Variants in POP5 observed in about 807,000 individuals in gnomAD.
The protein encoded by POP5 is ribonuclease P/MRP protein subunit POP5.
POP5 carries 18 observed loss-of-function variants against 20.7 expected under a neutral mutation model. The ratio of observed to expected loss-of-function variants is 0.87; its 90% CI spans 0.60 to 1.29. POP5 has a LOEUF of 1.29. Ranked by LOEUF, POP5 falls within the 50% of genes most tolerant of loss-of-function variation. POP5 has a pLI of 0.00. For synonymous variants in POP5, 91 were observed against 78.0 expected, an observed-to-expected ratio of 1.17 and a Z score of -0.88; for missense variants, 200 against 203.2, an observed-to-expected ratio of 0.98 and a Z score of 0.10.
Position 120,579,369 on chromosome 12 carries a change from T to TA in POP5, c.440dup (p.Leu147PhefsTer10). The TA allele has an allele frequency of 6.2e-7, 1 of 1,614,212 alleles. No homozygotes were observed. The highest frequency in any genetic ancestry group is 8.5e-7 in the Non-Finnish European group (1 of 1,180,022). On this transcript the variant is annotated frameshift_variant, in exon 5 of 5. Transcript: ENST00000357500. LOFTEE classifies it high-confidence loss of function. The stretch of plus-strand genomic sequence containing the variant: ...CACCTGACTCCTCCTCCTCCTCTAA[T>TA]AAGCAGCTTCTTGTCACAGACTTCT...
At position 120,579,183 on chromosome 12, in the gene POP5, A is replaced by G. The variant is rs763321575; in HGVS notation, c.*135T>C. On this transcript the variant is annotated 3_prime_UTR_variant, in exon 5 of 5. Transcript: ENST00000357500. Reference sequence around the variant, plus strand: ...CAGTTTAACTGAGTACTCCATTTCAAGTGGGTAATGTCTGCTGGTTGGCAG... The same window carrying G: ...CAGTTTAACTGAGTACTCCATTTCAGGTGGGTAATGTCTGCTGGTTGGCAG... The G allele has an allele frequency of 1.3e-6, 1 of 751,006 alleles. No homozygotes were observed. Among genetic ancestry groups the G allele is most frequent in the Non-Finnish European group, 2.3e-6 (1 of 435,594 alleles). 46.5% of individuals were successfully genotyped at this position (751,006 alleles called of 1,614,324 possible). A position where few individuals can be genotyped will look rare whatever the true frequency, so the allele number is the denominator to read the frequency against.
In POP5 at chr12:120,579,152, C is replaced by G; in HGVS notation, c.*166G>C. 3.1e-6 allele frequency: 2 copies of G among 643,440 alleles called. No homozygotes were observed. The highest frequency in any genetic ancestry group is 5.4e-5 in the East Asian group (2 of 36,740). The allele number at this position is 643,440 out of a possible 1,614,324, so 39.9% of individuals were successfully genotyped here. A position where few individuals can be genotyped will look rare whatever the true frequency, so the allele number is the denominator to read the frequency against. ...TTCACCAGGGAATGCTAGGTAAAGGCAACTTCAGTTTAACTGAGTACTCCA... is the reference window on the plus strand; with the variant it reads ...TTCACCAGGGAATGCTAGGTAAAGGGAACTTCAGTTTAACTGAGTACTCCA... On this transcript the variant is annotated 3_prime_UTR_variant, in exon 5 of 5. Transcript: ENST00000357500.
chr12:120,580,852 C>G, intron 2 of POP5: 2 of 532,304 alleles, frequency 3.8e-6, no homozygotes, highest in Non-Finnish European at 6.6e-6. Context: ...CTATCAAATT[C>G]AATCACAACC....
chr12:120,579,371 A>G lies in POP5; in HGVS notation c.439T>C (p.Leu147=). 6.2e-7 allele frequency: 1 copy of G among 1,614,176 alleles called. No individual in the cohort carries two copies. Among genetic ancestry groups the G allele is most frequent in the Non-Finnish European group, 8.5e-7 (1 of 1,180,030 alleles). The part of the protein sequence containing the change: ...AIQKSVTRSC[L]LEEEEESGEE... The stretch of plus-strand genomic sequence containing the variant: ...CCTGACTCCTCCTCCTCCTCTAATA[A>G]GCAGCTTCTTGTCACAGACTTCTGG... Residue 147 remains leucine (L), a synonymous_variant, in exon 5 of 5, where the codon TTA becomes CTA. Coordinates refer to ENST00000357500, the MANE Select transcript of POP5 (RefSeq NM_015918.4).
rs1382660545 is a variant in POP5, at chr12:120,579,136, G to A, written c.*182C>T. The A allele has an allele frequency of 3.2e-6, 2 of 617,898 alleles. No individual in the cohort carries two copies. The highest frequency in any genetic ancestry group is 5.8e-6 in the Non-Finnish European group (2 of 344,260). The allele number at this position is 617,898 out of a possible 1,614,324, so 38.3% of individuals were successfully genotyped here. On this transcript the variant is annotated 3_prime_UTR_variant, in exon 5 of 5. Transcript: ENST00000357500. ...TCACAACCTGCAACACTTCACCAGG[G>A]AATGCTAGGTAAAGGCAACTTCAGT...
At chr12:120,580,085 T>A (rs1877783749) in intron 2 of POP5, 162 bp from the exon 3 acceptor site, 2 of 611,470 alleles carry the variant, frequency 3.3e-6, no homozygotes, top group Admixed American at 6.4e-5. Context: ...CTACTAAAAA[T>A]ACAAAAATTA....
At chr12:120,579,989 C>G in intron 2 of POP5, 66 bp from the exon 3 acceptor site, 2 of 1,495,394 alleles carry the variant, frequency 1.3e-6, no homozygotes, top group Non-Finnish European at 1.8e-6. Flanking sequence ...CGCCTGTAAT[C>G]CCAGCACTTT....
At position 120,579,832 on chromosome 12, in the gene POP5, T is replaced by A; in HGVS notation, c.255A>T (p.Thr85=). Residue 85 remains threonine (T), a synonymous_variant, in exon 3 of 5, where the codon ACA becomes ACT. Coordinates refer to ENST00000357500, the MANE Select transcript of POP5 (RefSeq NM_015918.4). ...AACGGTGTCCTTTGTTCTCCAAGTA[T>A]GTGATGAAGGGAAGAGCTGACCACA... ...QLVWSALPFI[T]YLENKGHRYP... is the part of the protein sequence containing the mutation. 2 of 1,607,486 alleles carry A rather than the reference T, an allele frequency of 1.2e-6. No individual in the cohort carries two copies. The highest frequency in any genetic ancestry group is 4.5e-5 in the East Asian group (2 of 44,852).
chr12:120,580,949 G>T, intron 2 of POP5, 166 bp downstream of exon 2: 1 of 1,116,462 alleles, frequency 9.0e-7, no homozygotes, highest in Non-Finnish European at 1.3e-6. Context: ...TTAGCGCTCT[G>T]CTAATTTCGG....
At chr12:120,579,442 A>T in intron 4 of POP5, 30 bp from the exon 5 acceptor site, 2 of 1,608,324 alleles carry the variant, frequency 1.2e-6, no homozygotes, top group Non-Finnish European at 1.7e-6. Context: ...GGGATGAAAG[A>T]TATCTTTGGG....
Position 120,581,345 on chromosome 12 carries a change from G to A in POP5, c.18C>T (p.His6=), listed in dbSNP as rs145609940. 1 of 1,613,752 alleles carries A rather than the reference G, an allele frequency of 6.2e-7. No homozygotes were observed. Among genetic ancestry groups the A allele is most frequent in the Non-Finnish European group, 8.5e-7 (1 of 1,179,874 alleles). MVRFK[H]RYLLCELVSD... ...AGGGTCTGGAAGGGAATGCTTACCT[G>A]TGCTTGAACCGCACCATGGCTGCCT... The change falls in exon 1 of 5, where the codon CAC becomes CAT. Residue 6 remains histidine, a splice_region_variant and synonymous_variant. Coordinates refer to ENST00000357500, the MANE Select transcript of POP5 (RefSeq NM_015918.4).
rs763869836 is a variant in POP5 at position 120,581,192 on chromosome 12, A to G, written c.86T>C (p.Leu29Pro). Residue 29 changes from leucine (L) to proline (P), a missense_variant, in exon 2 of 5, where the codon CTG (leucine) becomes CCG (proline). Physicochemically the swap from Leu to Pro is moderately conservative, Grantham distance 98. Coordinates refer to ENST00000357500, the MANE Select transcript of POP5 (RefSeq NM_015918.4). ...GATCGTGTCCCGTACGAGGCTGCTC[A>G]GAACTCGGTCATCGAGGCTTAGGCG... ...RCRLSLDDRV[L>P]SSLVRDTIAR... 12 of 1,613,956 alleles carry G rather than the reference A, an allele frequency of 7.4e-6. No individual in the cohort carries two copies. The highest frequency in any genetic ancestry group is 3.3e-4 in the Middle Eastern group (2 of 6,080).
intron 2 of POP5, chr12:120,580,173 C>T (rs1464592382): frequency 7.6e-6 from 3 of 394,440 alleles, no homozygotes; most frequent in Admixed American, 8.6e-5. Flanking sequence ...ACCCAGGAGG[C>T]AGAGGCAGCA....
chr12:120,581,008 G>T, intron 2 of POP5, 107 bp downstream of exon 2: 1 of 1,471,728 alleles, frequency 6.8e-7, no homozygotes, highest in East Asian at 2.3e-5. Flanking sequence ...TACAAAAAAC[G>T]GTGCACGGGC....
In POP5 at chr12:120,578,783, G is replaced by C. The variant is rs965535568; in HGVS notation, c.*535C>G. Reference sequence around the variant, plus strand: ...AAAATACAAAAATTAGCCAGACGTGGTGGTGCACGTCTGTAATCCCAGTTA... The same window carrying C: ...AAAATACAAAAATTAGCCAGACGTGCTGGTGCACGTCTGTAATCCCAGTTA... On this transcript the variant is annotated 3_prime_UTR_variant, in exon 5 of 5. Transcript: ENST00000357500. The C allele has an allele frequency of 3.9e-5, 6 of 155,166 alleles. No homozygotes were observed. The allele number at this position is 155,166 out of a possible 1,614,324, so 9.6% of individuals were successfully genotyped here. A position where few individuals can be genotyped will look rare whatever the true frequency, so the allele number is the denominator to read the frequency against.
At chr12:120,580,590 A>G (rs557044902) in intron 2 of POP5, 2 of 157,444 alleles carry the variant, frequency 1.3e-5, no homozygotes, top group African/African-American at 4.8e-5. Flanking sequence ...TCTGCATTTA[A>G]CTCTCCAGAA....
Position 120,579,365 on chromosome 12 carries a change from C to G in POP5, c.445G>C (p.Glu149Gln), listed in dbSNP as rs770689886. ...TCCTCACCTGACTCCTCCTCCTCCT[C>G]TAATAAGCAGCTTCTTGTCACAGAC... The part of the protein sequence containing the change: ...QKSVTRSCLL[E>Q]EEEESGEEAA... Residue 149 changes from glutamate (E) to glutamine (Q), a missense_variant, in exon 5 of 5, where the codon GAG becomes CAG. Coordinates refer to ENST00000357500, the MANE Select transcript of POP5 (RefSeq NM_015918.4). The G allele has an allele frequency of 2.1e-5, 34 of 1,614,106 alleles. No homozygotes were observed. Among genetic ancestry groups the G allele is most frequent in the South Asian group, 1.9e-4 (17 of 91,092 alleles).
chr12:120,579,996 C>T, intron 2 of POP5, 73 bp from the exon 3 acceptor site: 1 of 1,439,764 alleles, frequency 6.9e-7, no homozygotes, highest in Non-Finnish European at 9.5e-7. Context: ...AATCCCAGCA[C>T]TTTGGGAGGC....
chr12:120,579,458 T>G (rs757125543), intron 4 of POP5, 46 bp from the exon 5 acceptor site: 1 of 1,607,922 alleles, frequency 6.2e-7, no homozygotes, highest in South Asian at 1.1e-5. Context: ...TTGGGAGTGA[T>G]TTCTTCAGCT....
Sources: gnomAD v4.1 joint callset for allele counts on GRCh38, gnomAD v4.1.1 for gene constraint, MANE v1.5 for transcripts, NCBI Gene and HGNC (gene_info 2026-07-23, HGNC 2026-07-21) for gene names.